DAB1: variants seen among roughly 807,000 people sequenced by gnomAD.
DAB1 encodes the protein disabled homolog 1.
Under a neutral mutation model 64.6 loss-of-function variants are expected in DAB1, and 15 were observed. The observed-to-expected ratio is 0.23, with a 90% CI of 0.16 to 0.36. The LOEUF is 0.36. Among genes scored for constraint, DAB1 ranks in the 10% least tolerant of loss-of-function variants. DAB1 has a pLI of 1.00. For missense variants in DAB1, 596 were observed against 706.7 expected, an observed-to-expected ratio of 0.84 and a Z score of 1.78; for synonymous variants, 235 against 251.9, an observed-to-expected ratio of 0.93 and a Z score of 0.64.
At chr1:58,490,795 C>T (rs866391482) in intron 3 of DAB1, among the ~76,000 whole-genome samples, 677 of 59,098 alleles carry the variant, frequency 0.011, 8 homozygotes, top group African/African-American at 0.035. Flanking sequence ...AGTCAACATT[C>T]TTTTTTTTTT....
chr1:57,057,531 G>A (rs1249783362), intron 9 of DAB1, among the ~76,000 whole-genome samples: 1 of 151,846 alleles, frequency 6.6e-6, no homozygotes, highest in African/African-American at 2.4e-5. Context: ...AAATTCACTG[G>A]GCCCAAATCC....
chr1:58,048,826 T>C, intron 5 of DAB1: 1 of 1,054,868 alleles, frequency 9.5e-7, no homozygotes, highest in South Asian at 1.2e-5. Context: ...CACGGAATCA[T>C]GGTTGTCAAA....
chr1:57,032,098 C>A (rs564545996), intron 9 of DAB1, among the ~76,000 whole-genome samples: 34 of 152,280 alleles, frequency 2.2e-4, no homozygotes, highest in Middle Eastern at 3.4e-3. Flanking sequence ...GTCCTTCCAA[C>A]TAGTTCACTG....
chr1:57,415,246 AACACAC>A (rs111517848), intron 1 of DAB1, among the ~76,000 whole-genome samples: 11 of 143,324 alleles, frequency 7.7e-5, no homozygotes, highest in African/African-American at 2.3e-4. Flanking sequence ...TACCTCACAC[AACACAC>A]ACACACACAC....
intron 1 of DAB1, among the ~76,000 whole-genome samples, chr1:57,325,380 C>T (rs551444918): frequency 2.4e-4 from 36 of 152,308 alleles, no homozygotes; most frequent in Non-Finnish European, 4.6e-4. Flanking sequence ...GGTCAAAACT[C>T]AGCCCCAACA....
chr1:58,504,683 C>T (rs530663717), intron 3 of DAB1, among the ~76,000 whole-genome samples: 1 of 152,152 alleles, frequency 6.6e-6, no homozygotes, highest in African/African-American at 2.4e-5. Context: ...CAATAAATAT[C>T]GATCTACCTA....
intron 2 of DAB1, among the ~76,000 whole-genome samples, chr1:57,166,967 G>T (rs950503889): frequency 2.0e-5 from 3 of 152,190 alleles, no homozygotes; most frequent in Non-Finnish European, 4.4e-5. Context: ...TTCAGGCTCA[G>T]ATTTTGGAGA....
chr1:57,419,160 T>C (rs544677671), intron 1 of DAB1, among the ~76,000 whole-genome samples: 2 of 152,326 alleles, frequency 1.3e-5, no homozygotes, highest in East Asian at 3.9e-4. Context: ...ACACCTCCTC[T>C]GCCAAGTTTT....
chr1:57,732,561 G>A (rs1275490018), intron 6 of DAB1, among the ~76,000 whole-genome samples: 1 of 152,178 alleles, frequency 6.6e-6, no homozygotes, highest in Non-Finnish European at 1.5e-5. Context: ...TATTAAATCT[G>A]GAGAAAATAA....
intron 7 of DAB1, among the ~76,000 whole-genome samples, chr1:57,549,930 G>A (rs183989104): frequency 9.9e-5 from 15 of 152,218 alleles, no homozygotes; most frequent in Admixed American, 9.8e-4. Flanking sequence ...TTAGGAGGTG[G>A]GCAAAGGCAT....
chr1:57,914,164 T>C (rs1350784114), intron 5 of DAB1, among the ~76,000 whole-genome samples: 1 of 152,162 alleles, frequency 6.6e-6, no homozygotes, highest in East Asian at 1.9e-4. Flanking sequence ...ATTGCGGCAC[T>C]ATTCACAATA....
intron 5 of DAB1, among the ~76,000 whole-genome samples, chr1:58,102,319 T>C (rs890084550): frequency 2.0e-5 from 3 of 151,962 alleles, no homozygotes; most frequent in Admixed American, 2.0e-4. Context: ...AGGAGGGAAA[T>C]GAGAAGATAA....
rs146260576 is a variant in DAB1 at position 58,214,147 on chromosome 1, C to T, written n.310-63559G>A. The stretch of plus-strand genomic sequence containing the variant: ...ATTTTCTGCAGCCTCCTGTCATAAA[C>T]TTCTGGCTCTGTGACCTCAAAATCC... On this transcript the variant is annotated intron_variant and non_coding_transcript_variant, in intron 4 of 20. Coordinates refer to the DAB1 transcript ENST00000485760. Among the ~76,000 whole-genome samples, 27 of 152,256 alleles carry T rather than the reference C, an allele frequency of 1.8e-4. No individual in the cohort carries two copies. The East Asian group carries it at 5.2e-3, about 29-fold the overall frequency.
Position 58,538,930 on chromosome 1 carries a change from A to C in DAB1, n.32+7773T>G, listed in dbSNP as rs112971497. The C allele has an allele frequency of 5.1e-4, 442 of 872,930 alleles. 1 individual carries two copies. The African/African-American group carries it at 5.7e-3, about 11-fold the overall frequency. 54.1% of individuals were successfully genotyped at this position (872,930 alleles called of 1,614,324 possible). On this transcript the variant is annotated intron_variant and non_coding_transcript_variant, in intron 1 of 20. Coordinates refer to the DAB1 transcript ENST00000485760. ...TATGGAAGCAGGGCTTAGAGGATGC[A>C]ATACTGACAGACTAGGGACTGCTGT...
Position 57,430,300 on chromosome 1 carries a change from TTAAA to T in DAB1, n.626-139138_626-139135del, listed in dbSNP as rs1401654758. Among the ~76,000 whole-genome samples, 8 of 152,318 alleles carry T rather than the reference TTAAA, an allele frequency of 5.3e-5. No individual in the cohort carries two copies. The South Asian group carries it at 8.3e-4, about 16-fold the overall frequency. On this transcript the variant is annotated intron_variant and non_coding_transcript_variant, in intron 7 of 20. Transcript: ENST00000485760. ...AAATTATTACACAGCCCACAATTCA[TTAAA>T]TAGTTTGTAGTACTTGCACATGCCA... is the stretch of plus-strand genomic sequence containing the variant.
At chr1:58,115,040 G>C (rs1570369519) in intron 5 of DAB1, among the ~76,000 whole-genome samples, 1 of 150,242 alleles carries the variant, frequency 6.7e-6, no homozygotes, top group East Asian at 2.0e-4. Context: ...TACCATCAGA[G>C]TGAACAGGCA....
intron 1 of DAB1, among the ~76,000 whole-genome samples, chr1:57,315,316 C>T (rs1411860269): frequency 6.6e-6 from 1 of 152,148 alleles, no homozygotes; most frequent in Non-Finnish European, 1.5e-5. Context: ...TGCTCATTGT[C>T]TATCTTAACC....
chr1:57,134,399 A>C (rs1391257783), intron 4 of DAB1, among the ~76,000 whole-genome samples: 1 of 151,960 alleles, frequency 6.6e-6, no homozygotes, highest in Non-Finnish European at 1.5e-5. Context: ...CAGCCTGGCC[A>C]ACATGGTGAA....
chr1:57,462,194 C>G (rs1376234409), intron 7 of DAB1, among the ~76,000 whole-genome samples: 1 of 151,958 alleles, frequency 6.6e-6, no homozygotes, highest in Admixed American at 6.6e-5. Flanking sequence ...GGTGACCCAC[C>G]CACCTCGGCC....
Sources: allele counts gnomAD v4.1 joint callset (sites outside exome capture counted in the v4.1 genomes callset), GRCh38; gene constraint gnomAD v4.1.1; transcripts MANE v1.5; gene names NCBI Gene and HGNC (gene_info 2026-07-23, HGNC 2026-07-21).